Variants in PSMB7 observed in about 807,000 individuals in gnomAD.
PSMB7 encodes proteasome subunit beta type-7.
PSMB7 carries 5 observed loss-of-function variants against 28.1 expected under a neutral mutation model. The observed-to-expected ratio is 0.18, with a 90% CI of 0.09 to 0.37. PSMB7 has a LOEUF of 0.37. Ranked by LOEUF, PSMB7 falls within the 10% of genes least tolerant of loss-of-function variation. The pLI is 1.00. For synonymous variants in PSMB7, 122 were observed against 123.7 expected (o/e 0.99, Z 0.09); for missense variants, 275 against 346.2 (o/e 0.79, Z 1.63).
chr9:124,371,991 GCAAAAACATTGCTTTTTA>G (rs1333458032), intron 6 of PSMB7, among the ~76,000 whole-genome samples: 1 of 152,212 alleles, frequency 6.6e-6, no homozygotes, highest in Non-Finnish European at 1.5e-5. Flanking sequence ...AATATGTAAA[GCAAAAACATTGCTTTTTA>G]CAAAAACACT....
At chr9:124,390,285 A>T (rs1159848787) in intron 5 of PSMB7, among the ~76,000 whole-genome samples, 3 of 152,204 alleles carry the variant, frequency 2.0e-5, no homozygotes, top group African/African-American at 7.2e-5. Context: ...GGCAATGTAG[A>T]AACATCGATT....
intron 5 of PSMB7, among the ~76,000 whole-genome samples, chr9:124,388,402 TACTC>T (rs932958715): frequency 6.6e-5 from 10 of 152,148 alleles, no homozygotes; most frequent in Non-Finnish European, 1.3e-4. Flanking sequence ...TCAGAGAACT[TACTC>T]CAGTCAGGAG....
At chr9:124,361,052 C>T (rs1014135835) in intron 6 of PSMB7, among the ~76,000 whole-genome samples, 2 of 152,158 alleles carry the variant, frequency 1.3e-5, no homozygotes, top group African/African-American at 4.8e-5. Flanking sequence ...CACACAGTGC[C>T]ACAGAGAAGT....
At chr9:124,393,216 C>A (rs1830808102) in intron 5 of PSMB7, among the ~76,000 whole-genome samples, 1 of 152,192 alleles carries the variant, frequency 6.6e-6, no homozygotes, top group African/African-American at 2.4e-5. Context: ...GAGCACCTCT[C>A]ACTGCTCGGT....
chr9:124,387,400 G>A (rs1588576267), intron 5 of PSMB7, among the ~76,000 whole-genome samples: 1 of 152,122 alleles, frequency 6.6e-6, no homozygotes, highest in Non-Finnish European at 1.5e-5. Context: ...TATCAGACAG[G>A]CATATAAGAC....
chr9:124,396,331 G>C (rs10818961), intron 5 of PSMB7, among the ~76,000 whole-genome samples: 1 of 76,136 alleles, frequency 1.3e-5, no homozygotes, highest in African/African-American at 2.9e-5. Context: ...GTACTTTAGT[G>C]TAAAAATACA....
intron 5 of PSMB7, among the ~76,000 whole-genome samples, chr9:124,392,752 G>T (rs1435779596): frequency 1.3e-5 from 2 of 152,150 alleles, no homozygotes; most frequent in Admixed American, 1.3e-4. Flanking sequence ...AGTTATGAGA[G>T]GCAGCAGGAA....
At chr9:124,358,081 G>A (rs1008987338) in intron 6 of PSMB7, among the ~76,000 whole-genome samples, 33 of 152,162 alleles carry the variant, frequency 2.2e-4, no homozygotes, top group African/African-American at 7.2e-4. Context: ...CCCAGTCCAC[G>A]AGGGCGTGAG....
At chr9:124,366,609 C>T (rs893768364) in intron 6 of PSMB7, among the ~76,000 whole-genome samples, 1 of 152,186 alleles carries the variant, frequency 6.6e-6, no homozygotes, top group African/African-American at 2.4e-5. Flanking sequence ...ATAAAGTCTA[C>T]AGTAGTGTAC....
At chr9:124,388,423 G>A (rs746758060) in intron 5 of PSMB7, among the ~76,000 whole-genome samples, 3 of 152,226 alleles carry the variant, frequency 2.0e-5, no homozygotes, top group Non-Finnish European at 4.4e-5. Context: ...GGAGGAGAAG[G>A]AAGCCAAAGA....
At chr9:124,363,692 T>C (rs757010514) in intron 6 of PSMB7, among the ~76,000 whole-genome samples, 1 of 152,190 alleles carries the variant, frequency 6.6e-6, no homozygotes, top group Non-Finnish European at 1.5e-5. Flanking sequence ...GCCATTTCTT[T>C]CCTTGATAGC....
intron 3 of PSMB7, among the ~76,000 whole-genome samples, chr9:124,413,499 A>T (rs1446294283): frequency 2.6e-5 from 4 of 152,238 alleles, no homozygotes; most frequent in Non-Finnish European, 4.4e-5. Flanking sequence ...TATGTTTTAC[A>T]AAATCCAGTA....
At chr9:124,385,637 A>AT (rs1231091969) in intron 5 of PSMB7, among the ~76,000 whole-genome samples, 1 of 152,220 alleles carries the variant, frequency 6.6e-6, no homozygotes, top group African/African-American at 2.4e-5. Context: ...CTTGTTTTGC[A>AT]TAACACTATC....
At chr9:124,403,449 C>T (rs942900521) in intron 5 of PSMB7, among the ~76,000 whole-genome samples, 2 of 152,016 alleles carry the variant, frequency 1.3e-5, no homozygotes, top group African/African-American at 2.4e-5. Context: ...CACCTGAGCC[C>T]GGGGAAGTCG....
intron 5 of PSMB7, among the ~76,000 whole-genome samples, chr9:124,388,610 A>G (rs1039829649): frequency 5.9e-5 from 9 of 152,204 alleles, no homozygotes; most frequent in African/African-American, 2.2e-4. Flanking sequence ...GCGCTCTCAT[A>G]CAAAAAGTCC....
At chr9:124,371,065 G>A (rs934947044) in intron 6 of PSMB7, among the ~76,000 whole-genome samples, 4 of 152,062 alleles carry the variant, frequency 2.6e-5, no homozygotes, top group East Asian at 1.9e-4. Context: ...ATTTCATACC[G>A]CTGTGAAATA....
intron 6 of PSMB7, among the ~76,000 whole-genome samples, chr9:124,371,233 T>G (rs1465948425): frequency 6.6e-6 from 1 of 152,198 alleles, no homozygotes; most frequent in Non-Finnish European, 1.5e-5. Flanking sequence ...CATTAACAAT[T>G]TATGCCAAAT....
chr9:124,363,020 A>G (rs1197165576), intron 6 of PSMB7, among the ~76,000 whole-genome samples: 1 of 152,222 alleles, frequency 6.6e-6, no homozygotes, highest in Non-Finnish European at 1.5e-5. Context: ...AAGAGAGAGG[A>G]TGAAAATTCT....
At chr9:124,358,567 A>C (rs145414581) in intron 6 of PSMB7, among the ~76,000 whole-genome samples, 4 of 152,362 alleles carry the variant, frequency 2.6e-5, no homozygotes, top group African/African-American at 9.6e-5. Context: ...GCAGCAAAGA[A>C]AGCCTCTTAG....
Sources: gnomAD v4.1 joint callset for allele counts (sites outside exome capture counted in the v4.1 genomes callset) on GRCh38, gnomAD v4.1.1 for gene constraint, MANE v1.5 for transcripts, NCBI Gene and HGNC (gene_info 2026-07-23, HGNC 2026-07-21) for gene names.